SLAIN2: variants seen among roughly 807,000 people sequenced by gnomAD.
The protein encoded by SLAIN2 is SLAIN family member 2.
SLAIN2 carries 31 observed loss-of-function variants against 56.6 expected under a neutral mutation model. The observed-to-expected ratio is 0.55, with a 90% CI of 0.41 to 0.74. The LOEUF is 0.74. Among genes scored for constraint, SLAIN2 ranks in the 30% least tolerant of loss-of-function variants. The probability of loss-of-function intolerance (pLI) is 0.00; values close to 1 mark genes in which losing one functional copy is unlikely to be tolerated. For synonymous variants in SLAIN2, 317 were observed against 284.9 expected, an observed-to-expected ratio of 1.11 and a Z score of -1.13; for missense variants, 777 against 754.2, an observed-to-expected ratio of 1.03 and a Z score of -0.35.
chr4:48,395,363 G>A (rs1716348841), intron 6 of SLAIN2, among the ~76,000 whole-genome samples: 1 of 151,486 alleles, frequency 6.6e-6, no homozygotes, highest in African/African-American at 2.4e-5. Flanking sequence ...GATAGCTTTA[G>A]ATCTCACTAA....
chr4:48,424,534 A>AT lies in SLAIN2; in HGVS notation c.*2463dup, dbSNP rs1206422288. Reference sequence around the variant, plus strand: ...TTAATTTTCTCAGTGTTTGAATGTTATTTTTTGTAAGTGTGTTAATAAAAG... The same window carrying AT: ...TTAATTTTCTCAGTGTTTGAATGTTATTTTTTTGTAAGTGTGTTAATAAAAG... On this transcript the variant is annotated 3_prime_UTR_variant, in exon 8 of 8. Coordinates refer to ENST00000264313, the MANE Select transcript of SLAIN2 (RefSeq NM_020846.2). 1 of 152,100 alleles carries AT rather than the reference A, an allele frequency of 6.6e-6. No individual in the cohort carries two copies. Among genetic ancestry groups the AT allele is most frequent in the Non-Finnish European group, 1.5e-5 (1 of 67,958 alleles). The allele number at this position is 152,100 out of a possible 1,614,324, so 9.4% of individuals were successfully genotyped here. A position where few individuals can be genotyped will look rare whatever the true frequency, so the allele number is the denominator to read the frequency against.
At chr4:48,352,834 C>G (rs914046812) in intron 1 of SLAIN2, among the ~76,000 whole-genome samples, 2 of 152,130 alleles carry the variant, frequency 1.3e-5, no homozygotes, top group Non-Finnish European at 2.9e-5. Flanking sequence ...CAAATCTCAT[C>G]TTGAATTGTA....
At chr4:48,377,817 C>T (rs1715862151) in intron 2 of SLAIN2, 79 bp from the exon 3 acceptor site, 6 of 1,343,374 alleles carry the variant, frequency 4.5e-6, no homozygotes, top group Admixed American at 2.4e-5. Flanking sequence ...ATTTAGTTTT[C>T]TAATAGGAAA....
intron 6 of SLAIN2, among the ~76,000 whole-genome samples, chr4:48,418,749 T>C (rs1257112002): frequency 3.3e-5 from 5 of 152,204 alleles, no homozygotes; most frequent in Non-Finnish European, 7.3e-5. Context: ...TGGTGGAATT[T>C]CCCAAGGTTG....
At chr4:48,382,433 A>G in intron 4 of SLAIN2, 135 bp from the exon 5 acceptor site, 1 of 846,466 alleles carries the variant, frequency 1.2e-6, no homozygotes, top group Non-Finnish European at 1.7e-6. Context: ...ATATAAGTCT[A>G]AAAGCAGAAA....
chr4:48,375,530 C>G (rs1715789456), intron 2 of SLAIN2, among the ~76,000 whole-genome samples: 1 of 152,016 alleles, frequency 6.6e-6, no homozygotes, highest in Admixed American at 6.6e-5. Context: ...CGTGTACTAC[C>G]TAGTTCAGTC....
Position 48,383,794 on chromosome 4 carries a change from C to T in SLAIN2, c.1360+10C>T. 2 of 1,607,006 alleles carry T rather than the reference C, an allele frequency of 1.2e-6. No homozygotes were observed. The highest frequency in any genetic ancestry group is 1.7e-6 in the Non-Finnish European group (2 of 1,176,074). On this transcript the variant is annotated intron_variant, in intron 6 of 7. Coordinates refer to ENST00000264313, the MANE Select transcript of SLAIN2 (RefSeq NM_020846.2). ...CCTCAGGCTTCAGCCAGTAAGTATCCTTCTTATGCTTTCATGTATCAGTTA... is the reference window on the plus strand; with the variant it reads ...CCTCAGGCTTCAGCCAGTAAGTATCTTTCTTATGCTTTCATGTATCAGTTA...
Position 48,341,917 on chromosome 4 carries a change from G to A in SLAIN2, c.178G>A (p.Gly60Ser), listed in dbSNP as rs1388940634. 1.2e-5 allele frequency: 18 copies of A among 1,505,882 alleles called. No individual in the cohort carries two copies. The highest frequency in any genetic ancestry group is 1.6e-5 in the Non-Finnish European group (18 of 1,129,184). The allele number at this position is 1,505,882 out of a possible 1,614,324, so 93.3% of individuals were successfully genotyped here. Residue 60 changes from glycine to serine, a missense_variant, in exon 1 of 8, where the codon GGC becomes AGC. By Grantham distance (56) the Gly-to-Ser change is moderately conservative. Transcript: ENST00000264313. ...GGCCGGCGCGTCCATTCCCTCCTCC[G>A]GCGCGGCGTCTCCTCGGGGCTTCCC... is the stretch of plus-strand genomic sequence containing the variant. ...VRAGASIPSS[G>S]AASPRGFPLG...
chr4:48,375,125 A>T (rs1715771879), intron 2 of SLAIN2, among the ~76,000 whole-genome samples: 1 of 152,200 alleles, frequency 6.6e-6, no homozygotes, highest in Non-Finnish European at 1.5e-5. Context: ...GACTGAGAAG[A>T]TAAAAAGGCT....
chr4:48,418,111 CCTCCTTCCTCCTTCTTT>C (rs1160397174), intron 6 of SLAIN2, among the ~76,000 whole-genome samples: 93 of 150,910 alleles, frequency 6.2e-4, no homozygotes, highest in Middle Eastern at 3.4e-3. Flanking sequence ...CCTCTTCCTC[CCTCCTTCCTCCTTCTTT>C]CTCCTTCCTC....
intron 6 of SLAIN2, among the ~76,000 whole-genome samples, chr4:48,412,391 CACACACACACACACACACACACACAT>C (rs375353620): frequency 0.29 from 33,724 of 114,892 alleles, 4,818 homozygotes; most frequent in South Asian, 0.51. Context: ...CACACACACA[CACACACACACACACACACACACACAT>C]TCCCTCTCTC....
chr4:48,418,155 T>G (rs78464987), intron 6 of SLAIN2, among the ~76,000 whole-genome samples: 2 of 148,884 alleles, frequency 1.3e-5, no homozygotes, highest in African/African-American at 5.2e-5. Flanking sequence ...TCTCCTTCCT[T>G]CTCCCTCTTC....
intron 1 of SLAIN2, among the ~76,000 whole-genome samples, chr4:48,347,010 C>G (rs1017629186): frequency 1.3e-5 from 2 of 151,600 alleles, no homozygotes; most frequent in Admixed American, 6.6e-5. Flanking sequence ...TCCAGTCATT[C>G]TAAAATGGCT....
chr4:48,382,951 A>G (rs1442486653), intron 5 of SLAIN2, 24 bp downstream of exon 5: 2 of 1,558,010 alleles, frequency 1.3e-6, no homozygotes, highest in East Asian at 2.3e-5. Flanking sequence ...TTTTACTAAT[A>G]ATTAGACAGT....
chr4:48,405,342 T>G (rs1177439167), intron 6 of SLAIN2, among the ~76,000 whole-genome samples: 2 of 152,196 alleles, frequency 1.3e-5, no homozygotes, highest in African/African-American at 4.8e-5. Context: ...ATCATCCAAG[T>G]TTTGAAACTA....
chr4:48,371,908 T>G (rs1206344566), intron 2 of SLAIN2, among the ~76,000 whole-genome samples: 1 of 151,868 alleles, frequency 6.6e-6, no homozygotes, highest in African/African-American at 2.4e-5. Flanking sequence ...ACCACCGCAC[T>G]CCGGCTTGGG....
chr4:48,347,775 A>G (rs1405907014), intron 1 of SLAIN2, among the ~76,000 whole-genome samples: 14 of 152,120 alleles, frequency 9.2e-5, no homozygotes, highest in Admixed American at 9.2e-4. Context: ...CCCTGTTTCC[A>G]TGGACGCCAG....
At chr4:48,392,080 A>G (rs961477227) in intron 6 of SLAIN2, among the ~76,000 whole-genome samples, 8 of 152,232 alleles carry the variant, frequency 5.3e-5, no homozygotes, top group African/African-American at 1.7e-4. Context: ...CACTTAAACT[A>G]CTACACTTTG....
intron 6 of SLAIN2, among the ~76,000 whole-genome samples, chr4:48,408,106 G>A (rs1327870036): frequency 6.6e-6 from 1 of 152,114 alleles, no homozygotes; most frequent in Non-Finnish European, 1.5e-5. Context: ...GGCGGCTGAG[G>A]TAGGAGGATC....
Sources: allele counts gnomAD v4.1 joint callset (sites outside exome capture counted in the v4.1 genomes callset), GRCh38; gene constraint gnomAD v4.1.1; transcripts MANE v1.5; gene names NCBI Gene and HGNC (gene_info 2026-07-23, HGNC 2026-07-21).